Variants in CSMD3 observed in about 807,000 individuals in gnomAD.
CSMD3 encodes CUB and sushi domain-containing protein 3.
A neutral mutation model predicts 435.2 loss-of-function variants in CSMD3; 177 were observed. The ratio of observed to expected loss-of-function variants is 0.41; its 90% CI spans 0.36 to 0.46. The LOEUF (loss-of-function observed/expected upper bound fraction) is 0.46, where lower values mean the gene tolerates loss of function less well. Among genes scored for constraint, CSMD3 ranks in the 20% least tolerant of loss-of-function variants. The probability of loss-of-function intolerance (pLI) is 0.34; values close to 1 mark genes in which losing one functional copy is unlikely to be tolerated. For missense variants in CSMD3, 4,265 were observed against 4,504.6 expected, an observed-to-expected ratio of 0.95 and a Z score of 1.52; for synonymous variants, 1,656 against 1,520.5, an observed-to-expected ratio of 1.09 and a Z score of -2.07.
At chr8:112,907,171 G>C (rs1191384121) in intron 10 of CSMD3, among the ~76,000 whole-genome samples, 1 of 151,388 alleles carries the variant, frequency 6.6e-6, no homozygotes, top group Non-Finnish European at 1.5e-5. Context: ...GCTGAGTTAG[G>C]GTTTAGGTGG....
At chr8:112,490,361 T>A (rs898920558) in intron 31 of CSMD3, among the ~76,000 whole-genome samples, 1 of 152,176 alleles carries the variant, frequency 6.6e-6, no homozygotes, top group African/African-American at 2.4e-5. Context: ...ACATTAAGTA[T>A]ACTTAATTGG....
At chr8:112,232,914 G>T (rs72672841) in intron 68 of CSMD3, among the ~76,000 whole-genome samples, 49 of 152,142 alleles carry the variant, frequency 3.2e-4, no homozygotes, top group Non-Finnish European at 6.3e-4. Context: ...ATGAAGACCT[G>T]GACTTAATAC....
Position 112,234,346 on chromosome 8 carries a change from T to C in CSMD3, c.10740+19A>G. 6.8e-7 allele frequency: 1 copy of C among 1,479,582 alleles called. No homozygotes were observed. Among genetic ancestry groups the C allele is most frequent in the Middle Eastern group, 1.7e-4 (1 of 5,808 alleles). The allele number at this position is 1,479,582 out of a possible 1,614,324, so 91.7% of individuals were successfully genotyped here. Reference sequence around the variant, plus strand: ...TTATCATTAAAATCAGCAGCAGATGTTAAAATAACTATACTTACAAAGCCA... The same window carrying C: ...TTATCATTAAAATCAGCAGCAGATGCTAAAATAACTATACTTACAAAGCCA... On this transcript the variant is annotated intron_variant, in intron 68 of 70. Transcript: ENST00000297405.
intron 12 of CSMD3, among the ~76,000 whole-genome samples, chr8:112,820,736 A>C (rs1587390268): frequency 6.6e-6 from 1 of 151,228 alleles, no homozygotes; most frequent in Non-Finnish European, 1.5e-5. Context: ...GGTTTGATGC[A>C]CCTATCAAGC....
At chr8:113,434,846 T>A (rs2094695742) in intron 1 of CSMD3, among the ~76,000 whole-genome samples, 1 of 152,178 alleles carries the variant, frequency 6.6e-6, no homozygotes, top group Non-Finnish European at 1.5e-5. Flanking sequence ...TTAGTCAGGC[T>A]GTAATGCTCG....
chr8:112,836,712 T>G (rs150854786), intron 11 of CSMD3, among the ~76,000 whole-genome samples: 50 of 151,990 alleles, frequency 3.3e-4, no homozygotes, highest in African/African-American at 1.1e-3. Flanking sequence ...GGTGTTTTTC[T>G]GTGTGCGTGG....
rs767085654 is a variant in CSMD3 at position 112,234,408 on chromosome 8, G to C, written c.10697C>G (p.Ser3566Cys). The C allele has an allele frequency of 6.2e-7, 1 of 1,613,136 alleles. No homozygotes were observed. The highest frequency in any genetic ancestry group is 8.5e-7 in the Non-Finnish European group (1 of 1,179,582). ...ATTTTCTTCCTTCATTTTCTTCACAGAAGCATGAGCAGGTACTTTAATAAG... is the reference window on the plus strand; with the variant it reads ...ATTTTCTTCCTTCATTTTCTTCACACAAGCATGAGCAGGTACTTTAATAAG... Reference protein sequence around the residue: ...IYLIKVPAHASVKKMKEENWA... With the variant: ...IYLIKVPAHACVKKMKEENWA... The change falls in exon 68 of 71, where the codon TCT (serine) becomes TGT (cysteine). Residue 3566 changes from serine to cysteine, a missense_variant. Around this residue, in one of 3 missense-constraint regions of CSMD3, gnomAD observed 3,255 missense variants for 3,380.2 expected, o/e 0.96. Transcript: ENST00000297405.
intron 32 of CSMD3, among the ~76,000 whole-genome samples, chr8:112,413,662 T>A (rs1474402070): frequency 1.3e-5 from 2 of 152,126 alleles, no homozygotes; most frequent in Non-Finnish European, 2.9e-5. Flanking sequence ...GGGTTAGTGC[T>A]CACAGGGGAG....
At chr8:113,290,955 A>G (rs2093682437) in intron 2 of CSMD3, among the ~76,000 whole-genome samples, 1 of 151,388 alleles carries the variant, frequency 6.6e-6, no homozygotes, top group Non-Finnish European at 1.5e-5. Flanking sequence ...TTACCCATTT[A>G]TATAATAAAT....
chr8:113,033,825 A>T (rs954267751), intron 5 of CSMD3, among the ~76,000 whole-genome samples: 1 of 151,390 alleles, frequency 6.6e-6, no homozygotes, highest in African/African-American at 2.4e-5. Context: ...GTCATTTTGA[A>T]TTGTAATCCC....
intron 38 of CSMD3, among the ~76,000 whole-genome samples, chr8:112,372,985 A>ATT (rs1219061059): frequency 3.9e-5 from 5 of 127,704 alleles, no homozygotes; most frequent in African/African-American, 1.3e-4. Context: ...ATATATATAT[A>ATT]TTTATATTTT....
intron 59 of CSMD3, among the ~76,000 whole-genome samples, chr8:112,271,996 C>G (rs1817570855): frequency 6.6e-6 from 1 of 152,112 alleles, no homozygotes; most frequent in Admixed American, 6.5e-5. Flanking sequence ...CTATTAATAG[C>G]TAGGCCCCTT....
chr8:113,306,527 C>T (rs2093822753), intron 2 of CSMD3, among the ~76,000 whole-genome samples: 1 of 152,120 alleles, frequency 6.6e-6, no homozygotes, highest in South Asian at 2.1e-4. Context: ...CATGGAAAGT[C>T]ATTCTCTACC....
intron 59 of CSMD3, among the ~76,000 whole-genome samples, chr8:112,280,946 CCT>C (rs530182734): frequency 2.0e-5 from 3 of 152,124 alleles, no homozygotes; most frequent in African/African-American, 4.8e-5. Context: ...CTTCCTCTGA[CCT>C]CTCTTTCTGC....
chr8:112,287,948 G>A (rs941681112), intron 57 of CSMD3, among the ~76,000 whole-genome samples: 7 of 151,698 alleles, frequency 4.6e-5, no homozygotes, highest in Non-Finnish European at 7.4e-5. Flanking sequence ...TTACCTAGTC[G>A]TTTTATCATT....
chr8:112,286,087 T>C (rs1233919451), intron 58 of CSMD3, among the ~76,000 whole-genome samples: 1 of 152,174 alleles, frequency 6.6e-6, no homozygotes, highest in Non-Finnish European at 1.5e-5. Context: ...ACACCCTAGA[T>C]GTTGTGAATT....
chr8:112,476,946 A>C (rs1435642526), intron 31 of CSMD3, among the ~76,000 whole-genome samples: 1 of 152,180 alleles, frequency 6.6e-6, no homozygotes, highest in Non-Finnish European at 1.5e-5. Context: ...CAATTTTTCT[A>C]AAACATAAGA....
At chr8:112,470,901 AC>A (rs1383917006) in intron 32 of CSMD3, among the ~76,000 whole-genome samples, 2 of 146,970 alleles carry the variant, frequency 1.4e-5, no homozygotes, top group African/African-American at 5.5e-5. Context: ...CACAAAAAAA[AC>A]AAGAAGATTC....
chr8:113,152,353 T>C (rs1369879648), intron 4 of CSMD3, among the ~76,000 whole-genome samples: 6 of 152,060 alleles, frequency 3.9e-5, no homozygotes, highest in Non-Finnish European at 7.4e-5. Context: ...AAATCAAGGA[T>C]ATGGAACAAA....
Sources: gnomAD v4.1 joint callset for allele counts (sites outside exome capture counted in the v4.1 genomes callset) on GRCh38, gnomAD v4.1.1 for gene constraint, gnomAD v4.1.1 regional missense constraint, MANE v1.5 for transcripts, NCBI Gene and HGNC (gene_info 2026-07-23, HGNC 2026-07-21) for gene names.